The following FILIP1 variants were observed in gnomAD, a reference collection of about 807,000 sequenced individuals.
The protein encoded by FILIP1 is filamin A interacting protein 1.
In FILIP1, 61 loss-of-function variants were observed where a neutral mutation model predicts 102.1. That is an observed-to-expected ratio of 0.60 (90% confidence interval 0.49 to 0.74). The LOEUF (loss-of-function observed/expected upper bound fraction) is 0.74. Ranked by LOEUF, FILIP1 falls within the 30% of genes least tolerant of loss-of-function variation. The probability of loss-of-function intolerance (pLI) is 0.00; values close to 1 mark genes in which losing one functional copy is unlikely to be tolerated. For missense variants in FILIP1, 1,314 were observed against 1,441.2 expected (o/e 0.91, Z 1.43); for synonymous variants, 491 against 526.9 (o/e 0.93, Z 0.93).
intron 2 of FILIP1, among the ~76,000 whole-genome samples, chr6:75,368,908 C>G (rs1029207493): frequency 3.9e-5 from 6 of 152,166 alleles, no homozygotes; most frequent in African/African-American, 1.4e-4. Flanking sequence ...GTGTTAAAGG[C>G]ACAGAAAGTC....
At chr6:75,414,175 T>G (rs1275351655) in intron 2 of FILIP1, among the ~76,000 whole-genome samples, 1 of 151,292 alleles carries the variant, frequency 6.6e-6, no homozygotes, top group Non-Finnish European at 1.5e-5. Flanking sequence ...TCTCAATTCC[T>G]ATGATGTTGT....
chr6:75,364,376 G>A (rs982289939), intron 2 of FILIP1, among the ~76,000 whole-genome samples: 2 of 152,160 alleles, frequency 1.3e-5, no homozygotes, highest in Non-Finnish European at 2.9e-5. Context: ...ACAGCCCTGA[G>A]TCAGAGCACA....
At chr6:75,388,620 G>A (rs958134898) in intron 2 of FILIP1, among the ~76,000 whole-genome samples, 1 of 152,102 alleles carries the variant, frequency 6.6e-6, no homozygotes, top group Non-Finnish European at 1.5e-5. Flanking sequence ...GTGTTCCTAG[G>A]TATTTTGTTC....
intron 2 of FILIP1, among the ~76,000 whole-genome samples, chr6:75,395,518 T>A (rs1776431234): frequency 6.6e-6 from 1 of 152,164 alleles, no homozygotes; most frequent in Non-Finnish European, 1.5e-5. Context: ...CCTCAAGTGA[T>A]CCATCCTCCT....
intron 1 of FILIP1, among the ~76,000 whole-genome samples, chr6:75,448,078 G>C (rs1047573722): frequency 1.1e-4 from 16 of 152,002 alleles, no homozygotes; most frequent in African/African-American, 3.9e-4. Context: ...TTGTAATTTT[G>C]CTTCAAAGAT....
At chr6:75,462,357 A>G (rs1779047167) in intron 1 of FILIP1, among the ~76,000 whole-genome samples, 1 of 152,096 alleles carries the variant, frequency 6.6e-6, no homozygotes, top group African/African-American at 2.4e-5. Context: ...CTGGATTGTG[A>G]GGAGGCCCAG....
At chr6:75,423,867 T>G (rs2149699205) in intron 1 of FILIP1, among the ~76,000 whole-genome samples, 2 of 152,272 alleles carry the variant, frequency 1.3e-5, no homozygotes, top group South Asian at 4.1e-4. Context: ...AAGCATGGAT[T>G]TTTATGCTAC....
At position 75,493,565 on chromosome 6, in the gene FILIP1, T is replaced by G. The variant is rs1012025081; in HGVS notation, c.-158A>C. The G allele has an allele frequency of 6.6e-6, 1 of 152,208 alleles. No homozygotes were observed. The highest frequency in any genetic ancestry group is 2.1e-4 in the South Asian group (1 of 4,836). 9.4% of individuals were successfully genotyped at this position (152,208 alleles called of 1,614,324 possible). On this transcript the variant is annotated 5_prime_UTR_variant, in exon 1 of 6. Coordinates refer to ENST00000237172, the MANE Select transcript of FILIP1 (RefSeq NM_015687.5). ...ATACAGAGGAAAAAGCTTTTCCCAC[T>G]TTCTTTCCCAGGACCAGCCAATAGC...
intron 4 of FILIP1, among the ~76,000 whole-genome samples, chr6:75,317,505 A>G (rs13198000): frequency 0.054 from 8,201 of 152,306 alleles, 312 homozygotes; most frequent in Non-Finnish European, 0.078. Context: ...AGTGCTTTCT[A>G]TATTTAACCA....
intron 2 of FILIP1, among the ~76,000 whole-genome samples, chr6:75,399,469 A>C: frequency 6.6e-6 from 1 of 152,328 alleles, no homozygotes; most frequent in Admixed American, 6.5e-5. Context: ...ATAGGCCATT[A>C]ATATACATTT....
chr6:75,405,825 C>T (rs1022084043), intron 2 of FILIP1, among the ~76,000 whole-genome samples: 22 of 151,996 alleles, frequency 1.4e-4, no homozygotes, highest in African/African-American at 5.1e-4. Context: ...CGGAATGAGT[C>T]GGGGTGGAGT....
intron 4 of FILIP1, among the ~76,000 whole-genome samples, chr6:75,327,864 A>C (rs1773926180): frequency 6.6e-6 from 1 of 152,132 alleles, no homozygotes; most frequent in African/African-American, 2.4e-5. Flanking sequence ...AGACAGCCAG[A>C]CATTATATAC....
chr6:75,464,558 T>C (rs917016727), intron 1 of FILIP1, among the ~76,000 whole-genome samples: 2 of 152,190 alleles, frequency 1.3e-5, no homozygotes, highest in East Asian at 3.8e-4. Flanking sequence ...GAACAAAATG[T>C]TATTTTTACC....
At chr6:75,482,440 T>C (rs1191680918) in intron 1 of FILIP1, among the ~76,000 whole-genome samples, 2 of 152,190 alleles carry the variant, frequency 1.3e-5, no homozygotes, top group Non-Finnish European at 2.9e-5. Context: ...TTTCCAAGGA[T>C]AGGAGCGTTT....
At chr6:75,434,689 T>C (rs1777951947) in intron 1 of FILIP1, among the ~76,000 whole-genome samples, 1 of 152,238 alleles carries the variant, frequency 6.6e-6, no homozygotes, top group African/African-American at 2.4e-5. Flanking sequence ...TTATTTCTCC[T>C]GCCTGATTGC....
intron 2 of FILIP1, among the ~76,000 whole-genome samples, chr6:75,372,722 G>GGAA (rs376642817): frequency 3.5e-4 from 23 of 65,918 alleles, no homozygotes; most frequent in East Asian, 9.5e-4. Flanking sequence ...AGGAAAGAAA[G>GGAA]AGAAAGAGAA....
intron 2 of FILIP1, 86 bp downstream of exon 2, chr6:75,414,611 C>T: frequency 7.8e-7 from 1 of 1,282,710 alleles, no homozygotes; most frequent in East Asian, 2.3e-5. Context: ...AAGTTCATTA[C>T]TCAGAGAGGG....
chr6:75,470,729 C>T (rs1457647523), intron 1 of FILIP1, among the ~76,000 whole-genome samples: 2 of 152,132 alleles, frequency 1.3e-5, no homozygotes, highest in African/African-American at 4.8e-5. Context: ...TTATCTTACA[C>T]TGTTCACAAA....
intron 4 of FILIP1, among the ~76,000 whole-genome samples, chr6:75,348,820 G>A (rs776985915): frequency 5.9e-5 from 9 of 152,230 alleles, no homozygotes; most frequent in South Asian, 2.1e-4. Flanking sequence ...TGCTCCTTCC[G>A]AGAGACCACT....
Sources: gnomAD v4.1 joint callset for allele counts (sites outside exome capture counted in the v4.1 genomes callset) on GRCh38, gnomAD v4.1.1 for gene constraint, MANE v1.5 for transcripts, NCBI Gene and HGNC (gene_info 2026-07-23, HGNC 2026-07-21) for gene names.